Variants in UBE3A observed in about 807,000 individuals in gnomAD.
UBE3A encodes the protein ubiquitin-protein ligase E3A.
Under a neutral mutation model 83.4 loss-of-function variants are expected in UBE3A, and 6 were observed. The observed-to-expected ratio is 0.07, with a 90% CI of 0.04 to 0.14. The LOEUF is 0.14. Ranked by LOEUF, UBE3A falls within the 10% of genes least tolerant of loss-of-function variation. UBE3A has a pLI of 1.00. For missense variants in UBE3A, 456 were observed against 1,036.1 expected (o/e 0.44, Z 7.69); for synonymous variants, 337 against 355.4 (o/e 0.95, Z 0.58).
intron 1 of UBE3A, among the ~76,000 whole-genome samples, chr15:25,434,309 T>C (rs1202491784): frequency 2.6e-5 from 4 of 152,150 alleles, no homozygotes; most frequent in Non-Finnish European, 5.9e-5. Context: ...CCAGGTATTG[T>C]GGCTCATGCC....
intron 1 of UBE3A, among the ~76,000 whole-genome samples, chr15:25,429,822 T>C (rs1239668009): frequency 6.6e-6 from 1 of 151,242 alleles, no homozygotes; most frequent in African/African-American, 2.4e-5. Context: ...ATGGCCAACA[T>C]GGTGAAACCC....
intron 4 of UBE3A, among the ~76,000 whole-genome samples, chr15:25,398,781 A>C (rs1378042288): frequency 3.9e-5 from 1 of 25,788 alleles, no homozygotes; most frequent in Non-Finnish European, 7.0e-5. Context: ...TTATATATAT[A>C]TATATATATA....
At chr15:25,363,439 T>C (rs549544621) in intron 6 of UBE3A, among the ~76,000 whole-genome samples, 1 of 152,302 alleles carries the variant, frequency 6.6e-6, no homozygotes, top group African/African-American at 2.4e-5. Flanking sequence ...CAATAATATA[T>C]AGCACTTTTG....
intron 4 of UBE3A, among the ~76,000 whole-genome samples, chr15:25,382,052 G>A (rs1025717022): frequency 1.3e-5 from 2 of 152,140 alleles, no homozygotes; most frequent in African/African-American, 2.4e-5. Flanking sequence ...AGTGGCTCAC[G>A]CCACGCCTCT....
At chr15:25,343,222 C>A (rs1394069200) in intron 11 of UBE3A, among the ~76,000 whole-genome samples, 1 of 152,056 alleles carries the variant, frequency 6.6e-6, no homozygotes, top group Admixed American at 6.6e-5. Flanking sequence ...ATTCGGAAGT[C>A]TAAATAAAGT....
chr15:25,432,926 T>C (rs1459235006), intron 1 of UBE3A, among the ~76,000 whole-genome samples: 2 of 152,208 alleles, frequency 1.3e-5, no homozygotes, highest in Non-Finnish European at 2.9e-5. Context: ...TTCCTGAAAA[T>C]GAACTATAGG....
chr15:25,395,820 C>T (rs1338545866), intron 4 of UBE3A, among the ~76,000 whole-genome samples: 1 of 152,180 alleles, frequency 6.6e-6, no homozygotes, highest in Non-Finnish European at 1.5e-5. Context: ...AACCATAAAT[C>T]ACTTGTTGTA....
At chr15:25,386,757 C>A (rs978815111) in intron 4 of UBE3A, among the ~76,000 whole-genome samples, 1 of 151,824 alleles carries the variant, frequency 6.6e-6, no homozygotes, top group Non-Finnish European at 1.5e-5. Context: ...AGAAAAAATA[C>A]ATGTGACTTC....
chr15:25,413,949 A>G (rs1275374048), intron 1 of UBE3A, among the ~76,000 whole-genome samples: 2 of 152,088 alleles, frequency 1.3e-5, no homozygotes, highest in African/African-American at 4.8e-5. Flanking sequence ...CCTCTCTCCA[A>G]GTTTCTGTCA....
chr15:25,406,030 G>A (rs554958416), intron 3 of UBE3A, among the ~76,000 whole-genome samples: 10 of 152,330 alleles, frequency 6.6e-5, no homozygotes, highest in Middle Eastern at 3.4e-3. Context: ...ATCTATGGCT[G>A]CTTTCACACT....
chr15:25,352,649 G>C (rs1444504983), intron 11 of UBE3A, among the ~76,000 whole-genome samples: 1 of 152,198 alleles, frequency 6.6e-6, no homozygotes, highest in Non-Finnish European at 1.5e-5. Context: ...GCAATAAAGT[G>C]AGATACGCCT....
chr15:25,356,676 T>C lies in UBE3A; in HGVS notation c.1959+15A>G, dbSNP rs1444735197. The C allele has an allele frequency of 3.7e-6, 6 of 1,610,192 alleles. No individual in the cohort carries two copies. The highest frequency in any genetic ancestry group is 2.1e-4 in the Middle Eastern group (1 of 4,730). On this transcript the variant is annotated intron_variant, in intron 8 of 12. Coordinates refer to ENST00000648336, the MANE Select transcript of UBE3A (RefSeq NM_130839.5). ...AATCTAAGAGACTGAATTAAAAAAATGACAAAGAACTTACTGGGTGAGAGT... is the reference window on the plus strand; with the variant it reads ...AATCTAAGAGACTGAATTAAAAAAACGACAAAGAACTTACTGGGTGAGAGT...
intron 4 of UBE3A, among the ~76,000 whole-genome samples, chr15:25,404,819 T>C (rs1004344013): frequency 2.0e-5 from 3 of 152,178 alleles, no homozygotes; most frequent in Non-Finnish European, 2.9e-5. Flanking sequence ...CTACTCCCTA[T>C]GCTGCTTCTA....
chr15:25,375,857 T>A lies in UBE3A; in HGVS notation c.63-94A>T, dbSNP rs2081115731. 1.6e-5 allele frequency: 22 copies of A among 1,416,042 alleles called. 2 individuals carry two copies. In the South Asian group the frequency reaches 2.6e-4, roughly 17 times the overall value. The allele number at this position is 1,416,042 out of a possible 1,614,324, so 87.7% of individuals were successfully genotyped here. A position where few individuals can be genotyped will look rare whatever the true frequency, so the allele number is the denominator to read the frequency against. ...ATCAAGGCAAAAGTTAGTCAAGCACTGAAGTGATTAACCTGTGTATGAAGA... is the reference window on the plus strand; with the variant it reads ...ATCAAGGCAAAAGTTAGTCAAGCACAGAAGTGATTAACCTGTGTATGAAGA... On this transcript the variant is annotated intron_variant, in intron 4 of 12. Coordinates refer to ENST00000648336, the MANE Select transcript of UBE3A (RefSeq NM_130839.5).
In UBE3A at chr15:25,339,368, CAAACTATACATTAATGCAAATCAT is replaced by C. The variant is rs2074341604; in HGVS notation, c.2499-135_2499-112del. 3.7e-6 allele frequency: 5 copies of C among 1,336,328 alleles called. No homozygotes were observed. In the Admixed American group the frequency reaches 6.3e-5, roughly 17 times the overall value. 82.8% of individuals were successfully genotyped at this position (1,336,328 alleles called of 1,614,324 possible). A position where few individuals can be genotyped will look rare whatever the true frequency, so the allele number is the denominator to read the frequency against. ...TATATAGTTGAGACGGTCTGCAATG[CAAACTATACATTAATGCAAATCAT>C]AAACTTTTTGTTGTGTAACTACCAA... On this transcript the variant is annotated intron_variant, in intron 12 of 12. Coordinates refer to ENST00000648336, the MANE Select transcript of UBE3A (RefSeq NM_130839.5).
intron 11 of UBE3A, among the ~76,000 whole-genome samples, chr15:25,350,772 C>T (rs1053277939): frequency 2.6e-5 from 4 of 152,088 alleles, no homozygotes; most frequent in African/African-American, 9.6e-5. Flanking sequence ...CACTATAAAT[C>T]AATGCAATAA....
At chr15:25,399,976 C>T (rs1305747848) in intron 4 of UBE3A, among the ~76,000 whole-genome samples, 2 of 152,136 alleles carry the variant, frequency 1.3e-5, no homozygotes, top group East Asian at 3.9e-4. Context: ...GTTCTTTTCA[C>T]TCATGACAGC....
chr15:25,386,519 CACAA>C (rs2083166971), intron 4 of UBE3A, among the ~76,000 whole-genome samples: 1 of 151,946 alleles, frequency 6.6e-6, no homozygotes. Flanking sequence ...AGAGATAAAA[CACAA>C]ACAAAAACAA....
At chr15:25,403,078 T>C (rs888223606) in intron 4 of UBE3A, among the ~76,000 whole-genome samples, 4 of 152,226 alleles carry the variant, frequency 2.6e-5, no homozygotes, top group African/African-American at 9.6e-5. Flanking sequence ...TTCCATCAGC[T>C]CTGCTAATAT....
Sources: allele counts gnomAD v4.1 joint callset (sites outside exome capture counted in the v4.1 genomes callset), GRCh38; gene constraint gnomAD v4.1.1; transcripts MANE v1.5; gene names NCBI Gene and HGNC (gene_info 2026-07-23, HGNC 2026-07-21).